Variants in KIAA0825 observed in about 807,000 individuals in gnomAD.
The protein encoded by KIAA0825 is uncharacterized protein KIAA0825.
KIAA0825 carries 119 observed loss-of-function variants against 147.6 expected under a neutral mutation model. The ratio of observed to expected loss-of-function variants is 0.81; its 90% CI spans 0.69 to 0.94. The LOEUF is 0.94. KIAA0825 is among the 40% of genes least tolerant of loss of function. KIAA0825 has a pLI of 0.00. For missense variants in KIAA0825, 1,381 were observed against 1,472.7 expected (o/e 0.94, Z 1.02); for synonymous variants, 470 against 518.1 (o/e 0.91, Z 1.26).
intron 20 of KIAA0825, among the ~76,000 whole-genome samples, chr5:94,364,259 G>A (rs947735558): frequency 6.6e-6 from 1 of 151,836 alleles, no homozygotes; most frequent in Non-Finnish European, 1.5e-5. Context: ...GGGCCTGAGT[G>A]GGTCTTCGAC....
intron 17 of KIAA0825, among the ~76,000 whole-genome samples, chr5:94,393,901 T>G (rs1049127355): frequency 6.7e-6 from 1 of 150,356 alleles, no homozygotes; most frequent in African/African-American, 2.4e-5. Context: ...CAGGCTGGAG[T>G]GCAATGGCGC....
intron 20 of KIAA0825, among the ~76,000 whole-genome samples, chr5:94,378,325 A>C (rs934264051): frequency 6.6e-6 from 1 of 152,174 alleles, no homozygotes; most frequent in African/African-American, 2.4e-5. Context: ...CTCAGTATTT[A>C]GTTCCCACTT....
chr5:94,254,513 A>G (rs1267517247), intron 20 of KIAA0825, among the ~76,000 whole-genome samples: 1 of 152,192 alleles, frequency 6.6e-6, no homozygotes, highest in African/African-American at 2.4e-5. Flanking sequence ...CATCAGCATC[A>G]TTTTTTGTGA....
At chr5:94,538,671 T>C (rs1341351389) in intron 2 of KIAA0825, among the ~76,000 whole-genome samples, 2 of 152,242 alleles carry the variant, frequency 1.3e-5, no homozygotes, top group Non-Finnish European at 2.9e-5. Context: ...TGATCCATTC[T>C]TATTTATTGA....
intron 20 of KIAA0825, among the ~76,000 whole-genome samples, chr5:94,292,569 A>G (rs1777947639): frequency 6.6e-6 from 1 of 152,116 alleles, no homozygotes; most frequent in Admixed American, 6.6e-5. Flanking sequence ...TATTGGCCTG[A>G]AATTTTCTTT....
chr5:94,575,570 G>T (rs564685705), intron 2 of KIAA0825, among the ~76,000 whole-genome samples: 2 of 152,308 alleles, frequency 1.3e-5, no homozygotes, highest in South Asian at 4.2e-4. Context: ...AGAGGCAAAA[G>T]GATGGTGGAT....
At chr5:94,505,417 G>T (rs913956007) in intron 5 of KIAA0825, among the ~76,000 whole-genome samples, 5 of 150,948 alleles carry the variant, frequency 3.3e-5, no homozygotes, top group Non-Finnish European at 7.4e-5. Context: ...TTTTCATGGG[G>T]ATATTAACCT....
At chr5:94,278,760 A>T (rs753190851) in intron 20 of KIAA0825, among the ~76,000 whole-genome samples, 3 of 152,084 alleles carry the variant, frequency 2.0e-5, no homozygotes, top group Non-Finnish European at 4.4e-5. Flanking sequence ...GTTGAAATGT[A>T]CCTTTTTCAG....
intron 2 of KIAA0825, among the ~76,000 whole-genome samples, chr5:94,553,499 C>T (rs1034668757): frequency 1.3e-5 from 2 of 150,504 alleles, no homozygotes; most frequent in Non-Finnish European, 3.0e-5. Context: ...CGCAGTGGCT[C>T]ATGCCTGTAA....
chr5:94,546,579 T>C (rs572687522), intron 2 of KIAA0825, among the ~76,000 whole-genome samples: 1 of 151,546 alleles, frequency 6.6e-6, no homozygotes, highest in Non-Finnish European at 1.5e-5. Flanking sequence ...GAGGAGAACA[T>C]GAGTCTCTGT....
chr5:94,493,990 A>T (rs1483485074), intron 5 of KIAA0825, among the ~76,000 whole-genome samples: 2 of 152,146 alleles, frequency 1.3e-5, no homozygotes, highest in East Asian at 3.9e-4. Context: ...AGGGGTCCAG[A>T]CAGTAAATAT....
intron 3 of KIAA0825, among the ~76,000 whole-genome samples, chr5:94,533,275 G>A (rs1264300776): frequency 1.4e-5 from 2 of 143,864 alleles, no homozygotes; most frequent in Non-Finnish European, 3.0e-5. Flanking sequence ...ACTGTGCCCG[G>A]CCTTTTTTTT....
intron 20 of KIAA0825, among the ~76,000 whole-genome samples, chr5:94,275,630 G>A (rs971195665): frequency 6.6e-6 from 1 of 152,134 alleles, no homozygotes; most frequent in Non-Finnish European, 1.5e-5. Context: ...ATGGCAACAT[G>A]TTAATGGGTA....
intron 3 of KIAA0825, among the ~76,000 whole-genome samples, chr5:94,529,334 TA>T (rs1468732345): frequency 1.4e-5 from 2 of 143,348 alleles, no homozygotes; most frequent in East Asian, 3.9e-4. Flanking sequence ...ATATATCATA[TA>T]TATGTATATA....
intron 13 of KIAA0825, among the ~76,000 whole-genome samples, chr5:94,451,561 G>A (rs903991043): frequency 6.6e-6 from 1 of 152,172 alleles, no homozygotes; most frequent in Non-Finnish European, 1.5e-5. Flanking sequence ...GAGATTGATT[G>A]CTAAACAGAA....
At chr5:94,572,855 T>G (rs1301643943) in intron 2 of KIAA0825, among the ~76,000 whole-genome samples, 11 of 152,166 alleles carry the variant, frequency 7.2e-5, no homozygotes, top group Admixed American at 7.2e-4. Flanking sequence ...TTTTGACACC[T>G]AAGAAGTAAA....
At chr5:94,167,618 GA>G (rs1768168305) in intron 20 of KIAA0825, among the ~76,000 whole-genome samples, 1 of 151,978 alleles carries the variant, frequency 6.6e-6, no homozygotes, top group Non-Finnish European at 1.5e-5. Flanking sequence ...ACTCCAGTAG[GA>G]AAAAGGAAAA....
At chr5:94,388,608 C>T (rs763203127) in intron 18 of KIAA0825, among the ~76,000 whole-genome samples, 3 of 152,138 alleles carry the variant, frequency 2.0e-5, no homozygotes, top group Admixed American at 6.5e-5. Flanking sequence ...TAACTGATTT[C>T]GCCTTACGTA....
chr5:94,322,978 G>T (rs1780337581), intron 20 of KIAA0825, among the ~76,000 whole-genome samples: 1 of 151,530 alleles, frequency 6.6e-6, no homozygotes, highest in Admixed American at 6.6e-5. Flanking sequence ...TTTTTAAATG[G>T]CTTACGTGAA....
Sources: allele counts gnomAD v4.1 joint callset (sites outside exome capture counted in the v4.1 genomes callset), GRCh38; gene constraint gnomAD v4.1.1; transcripts MANE v1.5; gene names NCBI Gene and HGNC (gene_info 2026-07-23, HGNC 2026-07-21).